RREB1: variants seen among roughly 807,000 people sequenced by gnomAD.
RREB1 encodes the protein ras responsive element binding protein 1, also known as ras-responsive element-binding protein 1.
Under a neutral mutation model 117.8 loss-of-function variants are expected in RREB1, and 27 were observed. The observed-to-expected ratio is 0.23, with a 90% CI of 0.17 to 0.32. The LOEUF is 0.32. RREB1 is among the 10% of genes least tolerant of loss of function. The probability of loss-of-function intolerance (pLI) is 1.00; values close to 1 mark genes in which losing one functional copy is unlikely to be tolerated. For missense variants in RREB1, 2,577 were observed against 2,378.2 expected (o/e 1.08, Z -1.74); for synonymous variants, 1,298 against 1,026.7 (o/e 1.26, Z -5.05).
chr6:7,198,740 A>C (rs4960294), intron 6 of RREB1, among the ~76,000 whole-genome samples: 51,502 of 152,078 alleles, frequency 0.34, 8,966 homozygotes, highest in Middle Eastern at 0.4. Flanking sequence ...TTCTGGTATA[A>C]TTTAGAAAGC....
chr6:7,159,921 T>C (rs903365206), intron 1 of RREB1, among the ~76,000 whole-genome samples: 3 of 152,206 alleles, frequency 2.0e-5, no homozygotes, highest in Non-Finnish European at 4.4e-5. Flanking sequence ...TGCACTTGTC[T>C]ACAGAACAAG....
chr6:7,186,474 ATCTTCAGAAATC>A (rs1403641042), intron 4 of RREB1, among the ~76,000 whole-genome samples: 5 of 152,284 alleles, frequency 3.3e-5, no homozygotes, highest in African/African-American at 1.2e-4. Flanking sequence ...GATTCTGCTG[ATCTTCAGAAATC>A]TCTGAGCATC....
chr6:7,225,924 G>A (rs555862873), intron 8 of RREB1, among the ~76,000 whole-genome samples: 6 of 152,294 alleles, frequency 3.9e-5, no homozygotes, highest in Non-Finnish European at 8.8e-5. Context: ...TAATGATGAT[G>A]CTAATACCAC....
At position 7,249,800 on chromosome 6, in the gene RREB1, T is replaced by C. The variant is rs1298306027; in HGVS notation, c.*832T>C. On this transcript the variant is annotated 3_prime_UTR_variant, in exon 13 of 13. Coordinates refer to ENST00000379938, the MANE Select transcript of RREB1 (RefSeq NM_001003699.4). ...TCCCTTTCAGTATATGTATTATTAA[T>C]ATTATTATTATTATTATTATTATTA... 1.4e-5 allele frequency: 2 copies of C among 140,016 alleles called. No homozygotes were observed. The highest frequency in any genetic ancestry group is 6.0e-5 in the African/African-American group (2 of 33,360). The allele number at this position is 140,016 out of a possible 1,614,324, so 8.7% of individuals were successfully genotyped here.
intron 1 of RREB1, among the ~76,000 whole-genome samples, chr6:7,176,002 C>T (rs1176149430): frequency 6.6e-6 from 1 of 152,206 alleles, no homozygotes. Flanking sequence ...ACTGAAACCT[C>T]TGCCTCCTGG....
At chr6:7,181,766 G>T in intron 3 of RREB1, 104 bp from the exon 4 acceptor site, 1 of 820,544 alleles carries the variant, frequency 1.2e-6, no homozygotes, top group Non-Finnish European at 2.1e-6. Context: ...AGCGTTGGAT[G>T]TTTTTGACCT....
At chr6:7,142,538 G>T (rs2113392063) in intron 1 of RREB1, among the ~76,000 whole-genome samples, 1 of 152,392 alleles carries the variant, frequency 6.6e-6, no homozygotes, top group Admixed American at 6.5e-5. Context: ...AAGGTTGCCT[G>T]CTGCCAGGCG....
chr6:7,122,332 C>T (rs1310374048), intron 1 of RREB1, among the ~76,000 whole-genome samples: 1 of 152,140 alleles, frequency 6.6e-6, no homozygotes, highest in African/African-American at 2.4e-5. Context: ...GTGTTGTGAT[C>T]ACGGCTCACT....
intron 1 of RREB1, among the ~76,000 whole-genome samples, chr6:7,123,157 A>C (rs1761749899): frequency 6.6e-6 from 1 of 151,682 alleles, no homozygotes; most frequent in Non-Finnish European, 1.5e-5. Context: ...AATGAAGTTG[A>C]ATGTGTTTTT....
chr6:7,210,761 C>A, intron 6 of RREB1, 43 bp from the exon 7 acceptor site: 1 of 1,549,462 alleles, frequency 6.5e-7, no homozygotes, highest in South Asian at 1.2e-5. Flanking sequence ...AATGAACTGA[C>A]TTCTTTGTTA....
At position 7,230,851 on chromosome 6, in the gene RREB1, T is replaced by C. The variant is rs1010117082; in HGVS notation, c.2752T>C (p.Ser918Pro). The C allele has an allele frequency of 1.2e-6, 2 of 1,614,060 alleles. No homozygotes were observed. The highest frequency in any genetic ancestry group is 1.7e-6 in the Non-Finnish European group (2 of 1,180,028). ...GGTCCAAGTGAAGCAGGAAAACATC[T>C]CCTTTCTGAGCCCTTCTTCCCTGGT... ...ALVQVKQENI[S>P]FLSPSSLVPY... is the part of the protein sequence containing the mutation. Residue 918 changes from serine (S) to proline (P), a missense_variant, in exon 10 of 13, where the codon TCC becomes CCC. Coordinates refer to ENST00000379938, the MANE Select transcript of RREB1 (RefSeq NM_001003699.4).
chr6:7,117,388 G>GTTTTTTTTTTTTTTTTTT (rs70978941), intron 1 of RREB1, among the ~76,000 whole-genome samples: 27 of 63,290 alleles, frequency 4.3e-4, no homozygotes, highest in Non-Finnish European at 6.0e-4. Flanking sequence ...TAGGTTTCCT[G>GTTTTTTTTTTTTTTTTTT]TTTTTTTTTT....
intron 1 of RREB1, among the ~76,000 whole-genome samples, chr6:7,109,292 GC>G (rs1761016631): frequency 1.3e-5 from 2 of 151,790 alleles, no homozygotes; most frequent in South Asian, 4.1e-4. Context: ...CTTGGGCCGG[GC>G]CCCCCGCGCC....
intron 6 of RREB1, among the ~76,000 whole-genome samples, chr6:7,198,336 C>T (rs1765767833): frequency 6.6e-6 from 1 of 152,146 alleles, no homozygotes; most frequent in East Asian, 1.9e-4. Flanking sequence ...GGATAAAAAT[C>T]TGTGGGTCAC....
In RREB1 at chr6:7,246,479, C is replaced by T; in HGVS notation, c.4029C>T (p.Thr1343=). 1 of 1,539,408 alleles carries T rather than the reference C, an allele frequency of 6.5e-7. No individual in the cohort carries two copies. The highest frequency in any genetic ancestry group is 1.4e-5 in the African/African-American group (1 of 73,142). Residue 1343 remains threonine, a synonymous_variant, in exon 12 of 13, where the codon ACC becomes ACT. Coordinates refer to ENST00000379938, the MANE Select transcript of RREB1 (RefSeq NM_001003699.4). The stretch of plus-strand genomic sequence containing the variant: ...CCGCGGGCGAAGTGCTAGACCTCAC[C>T]TCACGGGACAGAGAGCAGCCGTCGG... ...AAAAGEVLDL[T]SRDREQPSEG... is the part of the protein sequence containing the mutation.
At chr6:7,241,713 T>C (rs1768716274) in intron 11 of RREB1, among the ~76,000 whole-genome samples, 1 of 152,186 alleles carries the variant, frequency 6.6e-6, no homozygotes, top group Non-Finnish European at 1.5e-5. Flanking sequence ...TTTGCCCATC[T>C]CTACGCCTCC....
At position 7,189,138 on chromosome 6, in the gene RREB1, TG is replaced by T. The variant is rs759437678; in HGVS notation, c.262-20del. ...CTGATGCACTTTCTTAAGTGACCGC[TG>T]TGACCATTGCTTTCTGCAGCACAAC... On this transcript the variant is annotated intron_variant, in intron 5 of 12. Transcript: ENST00000379938. 3.1e-6 allele frequency: 5 copies of T among 1,606,454 alleles called. No homozygotes were observed. Among genetic ancestry groups the T allele is most frequent in the Non-Finnish European group, 4.2e-6 (5 of 1,176,908 alleles).
Position 7,246,692 on chromosome 6 carries a change from G to C in RREB1, c.4242G>C (p.Gln1414His), listed in dbSNP as rs1298238459. 1.3e-6 allele frequency: 2 copies of C among 1,584,534 alleles called. No individual in the cohort carries two copies. The highest frequency in any genetic ancestry group is 1.7e-6 in the Non-Finnish European group (2 of 1,165,760). ...CGGAAGAGGACGCGTCGAGCAACCAGAGCCTGGACCTGGACTTCGCCACCA... is the reference window on the plus strand; with the variant it reads ...CGGAAGAGGACGCGTCGAGCAACCACAGCCTGGACCTGGACTTCGCCACCA... ...DGAEEDASSN[Q>H]SLDLDFATKL... Residue 1414 changes from glutamine to histidine, a missense_variant, in exon 12 of 13, where the codon CAG becomes CAC. By Grantham distance (24) the Gln-to-His change is conservative. Coordinates refer to ENST00000379938, the MANE Select transcript of RREB1 (RefSeq NM_001003699.4).
intron 1 of RREB1, among the ~76,000 whole-genome samples, chr6:7,124,259 C>T (rs544772268): frequency 6.6e-6 from 1 of 152,072 alleles, no homozygotes; most frequent in South Asian, 2.1e-4. Context: ...GCTGTGTGGT[C>T]ATGTGTTCCT....
Sources: gnomAD v4.1 joint callset for allele counts (sites outside exome capture counted in the v4.1 genomes callset) on GRCh38, gnomAD v4.1.1 for gene constraint, MANE v1.5 for transcripts, NCBI Gene and HGNC (gene_info 2026-07-23, HGNC 2026-07-21) for gene names.